Variants in ANO6 observed in about 807,000 individuals in gnomAD.
ANO6 encodes the protein anoctamin-6.
Under a neutral mutation model 117.5 loss-of-function variants are expected in ANO6, and 106 were observed. The ratio of observed to expected loss-of-function variants is 0.90; its 90% CI spans 0.77 to 1.06. The LOEUF is 1.06. Among genes scored for constraint, ANO6 ranks in the 50% least tolerant of loss-of-function variants. The pLI, the probability that ANO6 is intolerant of heterozygous loss-of-function variation, is 0.00. For synonymous variants in ANO6, 367 were observed against 385.1 expected (o/e 0.95, Z 0.55); for missense variants, 955 against 1,121.1 (o/e 0.85, Z 2.12).
intron 1 of ANO6, among the ~76,000 whole-genome samples, chr12:45,236,358 T>C (rs11182931): frequency 2.0e-5 from 3 of 152,092 alleles, no homozygotes; most frequent in Non-Finnish European, 4.4e-5. Flanking sequence ...ATAAAGTATT[T>C]CTCCTGATGA....
At chr12:45,318,731 T>A (rs1024697612) in intron 2 of ANO6, among the ~76,000 whole-genome samples, 1 of 152,138 alleles carries the variant, frequency 6.6e-6, no homozygotes, top group African/African-American at 2.4e-5. Flanking sequence ...GCCATTTTCA[T>A]GATATTGATT....
chr12:45,337,863 T>C (rs1042994496), intron 3 of ANO6, among the ~76,000 whole-genome samples: 2 of 152,104 alleles, frequency 1.3e-5, no homozygotes, highest in African/African-American at 4.8e-5. Flanking sequence ...TATATGCATA[T>C]TTTAAAACAT....
chr12:45,256,714 T>C (rs1448863241), intron 1 of ANO6: 1 of 152,226 alleles, frequency 6.6e-6, no homozygotes, highest in African/African-American at 2.4e-5. Flanking sequence ...TTCATTCCTC[T>C]TTTTTGTTTC....
At chr12:45,357,823 T>C (rs903779664) in intron 8 of ANO6, among the ~76,000 whole-genome samples, 3 of 152,210 alleles carry the variant, frequency 2.0e-5, no homozygotes, top group Non-Finnish European at 4.4e-5. Flanking sequence ...AGGGGTTTTG[T>C]TTTTTGTTTT....
Position 45,236,479 on chromosome 12 carries a change from T to A in ANO6, c.70+20088T>A, listed in dbSNP as rs1036334275. Among the ~76,000 whole-genome samples, 8 of 152,106 alleles carry A rather than the reference T, an allele frequency of 5.3e-5. No individual in the cohort carries two copies. The South Asian group carries it at 1.2e-3, about 24-fold the overall frequency. On this transcript the variant is annotated intron_variant, in intron 1 of 19. Transcript: ENST00000320560. Reference sequence around the variant, plus strand: ...TCCCAACTATAAATGAGAACATGAGTTTGGTTTTCTGTCCTTGTGATAGTT... The same window carrying A: ...TCCCAACTATAAATGAGAACATGAGATTGGTTTTCTGTCCTTGTGATAGTT...
chr12:45,219,388 T>G (rs1400791684), intron 1 of ANO6, among the ~76,000 whole-genome samples: 2 of 152,110 alleles, frequency 1.3e-5, no homozygotes, highest in South Asian at 2.1e-4. Flanking sequence ...CAGGCTGGAG[T>G]GCAGTGACGC....
intron 7 of ANO6, among the ~76,000 whole-genome samples, chr12:45,353,127 T>G (rs1941325017): frequency 6.7e-6 from 1 of 149,880 alleles, no homozygotes; most frequent in Non-Finnish European, 1.5e-5. Context: ...AGTACTTATA[T>G]CAGAAGGTAT....
At chr12:45,282,721 C>T (rs1266245136) in intron 1 of ANO6, among the ~76,000 whole-genome samples, 1 of 152,070 alleles carries the variant, frequency 6.6e-6, no homozygotes, top group African/African-American at 2.4e-5. Flanking sequence ...GTTGTTTTAA[C>T]TTTTTTGATA....
chr12:45,308,065 T>TTTTTTTTC (rs1939732065), intron 2 of ANO6, among the ~76,000 whole-genome samples: 1 of 134,410 alleles, frequency 7.4e-6, no homozygotes, highest in East Asian at 2.2e-4. Flanking sequence ...TTTTTTTTTT[T>TTTTTTTTC]TTTTTTTGCC....
chr12:45,377,143 GTT>G (rs35290139), intron 9 of ANO6, among the ~76,000 whole-genome samples: 9 of 140,288 alleles, frequency 6.4e-5, no homozygotes, highest in Admixed American at 1.4e-4. Flanking sequence ...ATTTGAAAAG[GTT>G]TTTTTTTTTT....
Position 45,314,444 on chromosome 12 carries a change from A to AC in ANO6, c.150+12352dup, listed in dbSNP as rs1336787953. 1.0e-3 allele frequency among the ~76,000 whole-genome samples: 17 copies of AC among 16,952 alleles called. No homozygotes were observed. In the Non-Finnish European group the frequency reaches 0.064, roughly 64 times the overall value. 11.1% of individuals were successfully genotyped at this position (16,952 alleles called of 152,430 possible). A position where few individuals can be genotyped will look rare whatever the true frequency, so the allele number is the denominator to read the frequency against. ...GGCAACATAATGAGACCTTATCTCTACAAAAAAAAAATTATATATATATTA... is the reference window on the plus strand; with the variant it reads ...GGCAACATAATGAGACCTTATCTCTACCAAAAAAAAAATTATATATATATTA... On this transcript the variant is annotated intron_variant, in intron 2 of 19. Transcript: ENST00000320560.
At chr12:45,280,669 C>G (rs759369509) in intron 1 of ANO6, among the ~76,000 whole-genome samples, 2 of 152,110 alleles carry the variant, frequency 1.3e-5, no homozygotes, top group Non-Finnish European at 2.9e-5. Flanking sequence ...AGCAGATGCT[C>G]TCCTATCAAT....
intron 1 of ANO6, among the ~76,000 whole-genome samples, chr12:45,221,694 GA>G (rs1173413607): frequency 6.6e-6 from 1 of 151,940 alleles, no homozygotes; most frequent in Non-Finnish European, 1.5e-5. Context: ...ATGGAATAGA[GA>G]AGAATGGGTC....
At chr12:45,436,912 G>A (rs190472037), downstream of ANO6, among the ~76,000 whole-genome samples, 79 of 152,306 alleles carry the variant, frequency 5.2e-4, no homozygotes, top group African/African-American at 1.7e-3. Context: ...GTTACAGTGA[G>A]CTGAAATTGC....
At chr12:45,374,794 A>G (rs1003015916) in intron 9 of ANO6, among the ~76,000 whole-genome samples, 8 of 152,102 alleles carry the variant, frequency 5.3e-5, no homozygotes, top group African/African-American at 1.9e-4. Context: ...AAACTGACAC[A>G]AGACAGGGAT....
intron 1 of ANO6, among the ~76,000 whole-genome samples, chr12:45,244,436 G>A (rs1947794293): frequency 6.6e-6 from 1 of 150,952 alleles, no homozygotes; most frequent in Admixed American, 6.6e-5. Context: ...ATCTGCATGG[G>A]TGGGCCTGGA....
At chr12:45,397,959 G>A (rs2137614128) in intron 12 of ANO6, among the ~76,000 whole-genome samples, 1 of 129,624 alleles carries the variant, frequency 7.7e-6, no homozygotes, top group South Asian at 2.9e-4. Context: ...TTGTGCACGT[G>A]TACCCTAGAA....
chr12:45,226,572 C>G (rs1947485144), intron 1 of ANO6, among the ~76,000 whole-genome samples: 1 of 151,676 alleles, frequency 6.6e-6, no homozygotes, highest in Non-Finnish European at 1.5e-5. Flanking sequence ...ATTTATAAAG[C>G]TTGTTTTATC....
At chr12:45,348,909 G>T (rs138013170) in intron 6 of ANO6, among the ~76,000 whole-genome samples, 38 of 152,282 alleles carry the variant, frequency 2.5e-4, no homozygotes, top group African/African-American at 8.2e-4. Context: ...GTTAATCTGT[G>T]TTAGCATTTC....
Sources: gnomAD v4.1 joint callset for allele counts (sites outside exome capture counted in the v4.1 genomes callset) on GRCh38, gnomAD v4.1.1 for gene constraint, MANE v1.5 for transcripts, NCBI Gene and HGNC (gene_info 2026-07-23, HGNC 2026-07-21) for gene names.